Variants in FNDC3A observed in about 807,000 individuals in gnomAD.
FNDC3A encodes fibronectin type-III domain-containing protein 3A.
In FNDC3A, 32 loss-of-function variants were observed where a neutral mutation model predicts 148.9. That is an observed-to-expected ratio of 0.21 (90% CI 0.16 to 0.29). FNDC3A has a LOEUF of 0.29. Among genes scored for constraint, FNDC3A ranks in the 10% least tolerant of loss-of-function variants. The pLI, the probability that FNDC3A is intolerant of heterozygous loss-of-function variation, is 1.00. For synonymous variants in FNDC3A, 472 were observed against 473.6 expected, an observed-to-expected ratio of 1.00 and a Z score of 0.04; for missense variants, 1,191 against 1,452.8, an observed-to-expected ratio of 0.82 and a Z score of 2.93.
rs369314559 is a variant in FNDC3A, at chr13:49,064,217, TG to T, written c.100-11071del. On this transcript the variant is annotated intron_variant, in intron 2 of 25. Coordinates refer to ENST00000492622, the MANE Select transcript of FNDC3A (RefSeq NM_001079673.2). ...TTAGCCGGGCATGGTGGCAGGTGCC[TG>T]TAATCCCAGCTACTTGGGAGGCTGA... Among the ~76,000 whole-genome samples the T allele has an allele frequency of 8.3e-4, 127 of 152,232 alleles. 2 individuals carry two copies. The East Asian group carries it at 0.022, about 27-fold the overall frequency.
At chr13:49,176,428 A>G (rs1885034530) in intron 13 of FNDC3A, among the ~76,000 whole-genome samples, 2 of 152,122 alleles carry the variant, frequency 1.3e-5, no homozygotes, top group African/African-American at 4.8e-5. Flanking sequence ...TGGGAACTGA[A>G]CAATGAGAAC....
intron 2 of FNDC3A, among the ~76,000 whole-genome samples, chr13:49,062,016 T>C (rs180749887): frequency 9.9e-5 from 15 of 151,810 alleles, no homozygotes; most frequent in Non-Finnish European, 1.6e-4. Context: ...ATAATTGATT[T>C]AGTAATTGCG....
chr13:49,175,570 GT>G, intron 13 of FNDC3A, 29 bp downstream of exon 13: 4 of 1,478,378 alleles, frequency 2.7e-6, no homozygotes, highest in Non-Finnish European at 3.7e-6. Flanking sequence ...TTTAAATAGT[GT>G]ATTTAAAACA....
At chr13:49,110,026 T>C (rs1004830040) in intron 3 of FNDC3A, among the ~76,000 whole-genome samples, 11 of 152,218 alleles carry the variant, frequency 7.2e-5, no homozygotes, top group Non-Finnish European at 1.3e-4. Flanking sequence ...TGTGGTGTTA[T>C]TGAACACAAA....
chr13:49,020,386 G>A (rs142112904), intron 2 of FNDC3A, among the ~76,000 whole-genome samples: 116 of 152,322 alleles, frequency 7.6e-4, no homozygotes, highest in Non-Finnish European at 1.3e-3. Flanking sequence ...AAATGTAAGT[G>A]GATAGCAAGA....
intron 1 of FNDC3A, among the ~76,000 whole-genome samples, chr13:49,001,093 C>T (rs1323589672): frequency 2.0e-5 from 3 of 151,890 alleles, no homozygotes; most frequent in Non-Finnish European, 4.4e-5. Context: ...TCAGGGACCC[C>T]GAATGGAGGG....
intron 8 of FNDC3A, among the ~76,000 whole-genome samples, chr13:49,149,914 T>C (rs1287740690): frequency 6.6e-6 from 1 of 152,190 alleles, no homozygotes; most frequent in African/African-American, 2.4e-5. Context: ...TGAATCTTGG[T>C]AGGTAGTATG....
chr13:49,099,796 A>G (rs141423589), intron 3 of FNDC3A, among the ~76,000 whole-genome samples: 16 of 152,170 alleles, frequency 1.1e-4, no homozygotes, highest in Non-Finnish European at 2.1e-4. Context: ...ACACATCTCG[A>G]TAAGAAACAA....
At chr13:48,994,924 T>C (rs1213942441) in intron 1 of FNDC3A, among the ~76,000 whole-genome samples, 2 of 152,250 alleles carry the variant, frequency 1.3e-5, no homozygotes, top group African/African-American at 2.4e-5. Context: ...TTCATTATAC[T>C]ATTATGTTTA....
intron 1 of FNDC3A, among the ~76,000 whole-genome samples, chr13:48,980,727 C>T (rs1471603046): frequency 6.6e-6 from 1 of 152,042 alleles, no homozygotes; most frequent in Admixed American, 6.6e-5. Context: ...GTGCCATTAC[C>T]AGGTGAATAG....
At chr13:49,201,993 T>C (rs199504283) in intron 24 of FNDC3A, 27 bp downstream of exon 24, 48 of 1,370,142 alleles carry the variant, frequency 3.5e-5, no homozygotes, top group Non-Finnish European at 3.8e-5. Flanking sequence ...GAACTTATTT[T>C]CTTTATAATA....
intron 2 of FNDC3A, among the ~76,000 whole-genome samples, chr13:49,071,025 A>G (rs1877646610): frequency 6.8e-6 from 1 of 146,698 alleles, no homozygotes; most frequent in Non-Finnish European, 1.5e-5. Flanking sequence ...CAGCCGCCCA[A>G]GTAGCTGGAA....
At chr13:49,039,893 T>G (rs1874792226) in intron 2 of FNDC3A, among the ~76,000 whole-genome samples, 1 of 152,186 alleles carries the variant, frequency 6.6e-6, no homozygotes, top group Non-Finnish European at 1.5e-5. Flanking sequence ...TTTGTAATTT[T>G]GGTAAAGACT....
intron 2 of FNDC3A, among the ~76,000 whole-genome samples, chr13:49,029,727 C>CA (rs1393047321): frequency 6.6e-6 from 1 of 151,870 alleles, no homozygotes; most frequent in African/African-American, 2.4e-5. Flanking sequence ...TTTTCAAGAA[C>CA]AAAAAAGACT....
chr13:49,097,772 T>C (rs181933691), intron 3 of FNDC3A, among the ~76,000 whole-genome samples: 105 of 152,186 alleles, frequency 6.9e-4, no homozygotes, highest in African/African-American at 2.3e-3. Context: ...ATATGATTAC[T>C]CATAAGCCAT....
At chr13:49,101,173 G>C (rs1328584041) in intron 3 of FNDC3A, among the ~76,000 whole-genome samples, 2 of 152,082 alleles carry the variant, frequency 1.3e-5, no homozygotes, top group East Asian at 1.9e-4. Flanking sequence ...TCTCCCTTTA[G>C]ACTATTTGCT....
intron 2 of FNDC3A, among the ~76,000 whole-genome samples, chr13:49,063,759 T>C (rs916919624): frequency 6.6e-6 from 1 of 152,144 alleles, no homozygotes; most frequent in Non-Finnish European, 1.5e-5. Flanking sequence ...GCCTGATAAA[T>C]TTTACATGCC....
At position 49,187,164 on chromosome 13, in the gene FNDC3A, T is replaced by C; in HGVS notation, c.1799T>C (p.Val600Ala). The C allele has an allele frequency of 6.2e-7, 1 of 1,612,612 alleles. No individual in the cohort carries two copies. The highest frequency in any genetic ancestry group is 8.5e-7 in the Non-Finnish European group (1 of 1,178,864). The change falls in exon 16 of 26, where the codon GTA becomes GCA. Residue 600 changes from valine to alanine, a missense_variant. This residue lies in a region of FNDC3A where 751 missense variants were observed against 944.0 expected (regional missense o/e 0.80). Transcript: ENST00000492622. ...GGCGGAGCAACCATCAATAAATATG[T>C]AGTGGAGATGGCAGAAGGTTCTAAC... Reference protein sequence around the residue: ...DNGGATINKYVVEMAEGSNGN... With the variant: ...DNGGATINKYAVEMAEGSNGN...
intron 2 of FNDC3A, among the ~76,000 whole-genome samples, chr13:49,060,797 A>AT (rs1383945704): frequency 6.6e-5 from 10 of 152,170 alleles, no homozygotes; most frequent in African/African-American, 2.4e-4. Flanking sequence ...GTAAATACAT[A>AT]GAGATAGAAA....
Sources: allele counts gnomAD v4.1 joint callset (sites outside exome capture counted in the v4.1 genomes callset), GRCh38; gene constraint gnomAD v4.1.1; regional missense constraint gnomAD v4.1.1; transcripts MANE v1.5; gene names NCBI Gene and HGNC (gene_info 2026-07-23, HGNC 2026-07-21).